The following TAF1 variants were observed in gnomAD, a reference collection of about 807,000 sequenced individuals.
TAF1 encodes the protein TATA-box binding protein associated factor 1.
A neutral mutation model predicts 138.5 loss-of-function variants in TAF1; 2 were observed. That is an observed-to-expected ratio of 0.01 (90% CI 0.01 to 0.05). The LOEUF (loss-of-function observed/expected upper bound fraction) is 0.05. TAF1 is among the 10% of genes least tolerant of loss of function. TAF1 has a pLI of 1.00. For synonymous variants in TAF1, 437 were observed against 503.2 expected, an observed-to-expected ratio of 0.87 and a Z score of 1.76; for missense variants, 709 against 1,478.0, an observed-to-expected ratio of 0.48 and a Z score of 8.53.
intron 3 of TAF1, among the ~76,000 whole-genome samples, chrX:71,372,731 G>A (rs1474024802): frequency 9.0e-6 from 1 of 110,856 alleles, no homozygotes; most frequent in Non-Finnish European, 1.9e-5. Flanking sequence ...TTCTGATTTT[G>A]TCACTTAAAA....
chrX:71,404,589 C>T (rs751517109), intron 25 of TAF1, among the ~76,000 whole-genome samples: 2 of 111,036 alleles, frequency 1.8e-5, no homozygotes, highest in South Asian at 7.5e-4. Flanking sequence ...TGCCCGCCTC[C>T]ACCTCCCAAA....
chrX:71,422,482 AT>A (rs537053885), intron 29 of TAF1, among the ~76,000 whole-genome samples: 381 of 89,969 alleles, frequency 4.2e-3, no homozygotes, highest in Middle Eastern at 0.026. Context: ...CGCCCAGCTA[AT>A]TTTTTTTTTT....
At chrX:71,371,463 T>C (rs1244005483) in intron 3 of TAF1, among the ~76,000 whole-genome samples, 4 of 111,613 alleles carry the variant, frequency 3.6e-5, no homozygotes, top group Non-Finnish European at 7.5e-5. Flanking sequence ...ACACGGCTTG[T>C]CTAAAGGTTT....
In TAF1 at chrX:71,394,235, A is replaced by T. The variant is rs765679119; in HGVS notation, c.3396A>T (p.Arg1132=). ...REEQERKELQ[R]MLLAAGSAAS... Reference sequence around the variant, plus strand: ...AACAGGAGCGGAAGGAACTACAGCGAATGCTACTGGGTGAGGATCTTGGCT... The same window carrying T: ...AACAGGAGCGGAAGGAACTACAGCGTATGCTACTGGGTGAGGATCTTGGCT... Residue 1132 remains arginine (R), a synonymous_variant, in exon 22 of 38, where the codon CGA becomes CGT. Coordinates refer to ENST00000423759, the MANE Select transcript of TAF1 (RefSeq NM_004606.5). 22 of 1,206,114 alleles carry T rather than the reference A, an allele frequency of 1.8e-5. No individual in the cohort carries two copies. In the South Asian group the frequency reaches 3.6e-4, roughly 20 times the overall value.
rs1024640078 is a variant in TAF1, at chrX:71,377,976, T to C, written c.933+155T>C. ...TAATCATGGGTTCAATCTCAGTGGC[T>C]GCCCCTTCCCTATTGTAAAAGAAAA... On this transcript the variant is annotated intron_variant, in intron 6 of 37. Transcript: ENST00000423759. 15 of 747,929 alleles carry C rather than the reference T, an allele frequency of 2.0e-5. No individual in the cohort carries two copies. The Admixed American group carries it at 3.2e-4, about 16-fold the overall frequency. The allele number at this position is 747,929 out of a possible 1,213,427, so 61.6% of individuals were successfully genotyped here.
intron 1 of TAF1, 24 bp from the exon 2 acceptor site, chrX:71,367,475 C>G (rs1230974119): frequency 1.7e-6 from 2 of 1,206,257 alleles, no homozygotes; most frequent in Non-Finnish European, 2.2e-6. Context: ...TTGTTATCTT[C>G]GACTCGTGCT....
chrX:71,482,785 A>G (rs1482394064), intron 13 of TAF1, among the ~76,000 whole-genome samples: 1 of 112,056 alleles, frequency 8.9e-6, no homozygotes, highest in Admixed American at 9.6e-5. Flanking sequence ...TCCTTTCACA[A>G]AGGATTTCTC....
At chrX:71,504,741 CAAAAAAAAAAAAA>C (rs41370846) in intron 13 of TAF1, among the ~76,000 whole-genome samples, 36 of 5,703 alleles carry the variant, frequency 6.3e-3, no homozygotes, top group African/African-American at 0.011. Flanking sequence ...GACCCTGTCT[CAAAAAAAAAAAAA>C]AAAAAAAAAA....
At position 71,459,587 on chromosome X, in the gene TAF1, A is replaced by G; in HGVS notation, c.5100A>G (p.Glu1700=). The change falls in exon 36 of 38, where the codon GAA becomes GAG. Residue 1700 remains glutamate, a synonymous_variant. Transcript: ENST00000423759. ...GEDGDGDLAD[E]EEGTVQQPQA... ...ATGGAGATGGTGATCTTGCAGATGA[A>G]GAGGAAGGAACTGTACAACAGCCTC... 1 of 1,210,990 alleles carries G rather than the reference A, an allele frequency of 8.3e-7. No individual in the cohort carries two copies. Among genetic ancestry groups the G allele is most frequent in the Non-Finnish European group, 1.1e-6 (1 of 895,301 alleles).
intron 3 of TAF1, among the ~76,000 whole-genome samples, chrX:71,372,893 G>C (rs189810293): frequency 0.019 from 2,156 of 111,586 alleles, 53 homozygotes; most frequent in African/African-American, 0.067. Context: ...TTGAGACAGA[G>C]TCTCGCTCTG....
chrX:71,378,908 G>A lies in TAF1; in HGVS notation c.1237G>A (p.Asp413Asn), dbSNP rs367907623. ...GATGGTGACACAGCTGCATTGGGAG[G>A]ATGATATCATCTGGGATGGGGAGGA... Reference protein sequence around the residue: ...FLMVTQLHWEDDIIWDGEDVK... With the variant: ...FLMVTQLHWENDIIWDGEDVK... The change falls in exon 8 of 38, where the codon GAT becomes AAT. Residue 413 changes from aspartate to asparagine, a missense_variant. Asp to Asn is a conservative substitution (Grantham distance 23). Around this residue, in one of 14 missense-constraint regions of TAF1, gnomAD observed 201 missense variants for 421.3 expected, o/e 0.48. Transcript: ENST00000423759. The A allele has an allele frequency of 2.5e-6, 3 of 1,208,724 alleles. No individual in the cohort carries two copies. Among genetic ancestry groups the A allele is most frequent in the African/African-American group, 1.8e-5 (1 of 56,686 alleles).
intron 34 of TAF1, among the ~76,000 whole-genome samples, chrX:71,456,644 A>ATTTTT (rs2038297639): frequency 3.3e-5 from 1 of 30,025 alleles, no homozygotes; most frequent in Non-Finnish European, 6.4e-5. Flanking sequence ...TCAATAATGT[A>ATTTTT]TTTTCTTTTT....
chrX:71,422,596 A>G (rs1344161999), intron 29 of TAF1, among the ~76,000 whole-genome samples: 2 of 108,832 alleles, frequency 1.8e-5, no homozygotes, highest in Admixed American at 9.9e-5. Flanking sequence ...GATTGCTGGG[A>G]TTACAGGTGT....
rs779595022 is a variant in TAF1, at chrX:71,526,221, C to T, written c.1367-2321C>T. Among the ~76,000 whole-genome samples, 15 of 111,437 alleles carry T rather than the reference C, an allele frequency of 1.3e-4. 1 individual carries two copies. Among genetic ancestry groups the T allele is most frequent in the Non-Finnish European group, 1.7e-4 (9 of 53,070 alleles). ...AAGATAATACAATCACTTACAAAAA[C>T]CAATTGTACAATCAAGTTCTAACCA... On this transcript the variant is annotated intron_variant and NMD_transcript_variant, in intron 13 of 14. Transcript: ENST00000373775.
intron 32 of TAF1, among the ~76,000 whole-genome samples, chrX:71,442,829 A>G (rs942439326): frequency 8.9e-6 from 1 of 111,738 alleles, no homozygotes; most frequent in Admixed American, 9.5e-5. Flanking sequence ...ATCTTGAATT[A>G]ATTTTTGTAT....
At position 71,396,736 on chromosome X, in the gene TAF1, C is replaced by T. The variant is rs781687471; in HGVS notation, c.3407-517C>T. On this transcript the variant is annotated intron_variant, in intron 22 of 37. Coordinates refer to ENST00000423759, the MANE Select transcript of TAF1 (RefSeq NM_004606.5). ...GTTTTTTCAGAACTTTTTGTACTTA[C>T]AAAAGTTGGGAAATTGGCCAGGCGT... Among the ~76,000 whole-genome samples, 10 of 111,203 alleles carry T rather than the reference C, an allele frequency of 9.0e-5. No individual in the cohort carries two copies. The East Asian group carries it at 2.5e-3, about 28-fold the overall frequency.
chrX:71,526,069 A>G (rs914693150), intron 13 of TAF1, among the ~76,000 whole-genome samples: 2 of 111,697 alleles, frequency 1.8e-5, no homozygotes, highest in East Asian at 2.8e-4. Context: ...CAGGGGTCAA[A>G]TGTAGCATAT....
At chrX:71,514,167 CA>C (rs2039783629) in intron 13 of TAF1, among the ~76,000 whole-genome samples, 1 of 111,183 alleles carries the variant, frequency 9.0e-6, no homozygotes, top group Admixed American at 9.7e-5. Flanking sequence ...ACCAAGAACC[CA>C]CCAGAAGGAA....
At position 71,528,295 on chromosome X, in the gene TAF1, C is replaced by T. The variant is rs2040035358; in HGVS notation, c.1367-247C>T. 1.4e-5 allele frequency: 4 copies of T among 277,954 alleles called. No homozygotes were observed. In the South Asian group the frequency reaches 1.4e-4, roughly 10 times the overall value. 22.9% of individuals were successfully genotyped at this position (277,954 alleles called of 1,213,427 possible). A position where few individuals can be genotyped will look rare whatever the true frequency, so the allele number is the denominator to read the frequency against. On this transcript the variant is annotated intron_variant and NMD_transcript_variant, in intron 13 of 14. Coordinates refer to the TAF1 transcript ENST00000373775. ...TATTTTGCAGGTTTTTTCAGCTCCT[C>T]TGTAAGGCTTGTCACAACCATAGTG... is the stretch of plus-strand genomic sequence containing the variant.
Sources: gnomAD v4.1 joint callset for allele counts (sites outside exome capture counted in the v4.1 genomes callset) on GRCh38, gnomAD v4.1.1 for gene constraint, gnomAD v4.1.1 regional missense constraint, MANE v1.5 for transcripts, NCBI Gene and HGNC (gene_info 2026-07-23, HGNC 2026-07-21) for gene names.